ATP11B: variants seen among roughly 807,000 people sequenced by gnomAD.
The protein encoded by ATP11B is phospholipid-transporting ATPase IF.
Under a neutral mutation model 157.8 loss-of-function variants are expected in ATP11B, and 81 were observed. The ratio of observed to expected loss-of-function variants is 0.51; its 90% CI spans 0.43 to 0.62. The LOEUF (loss-of-function observed/expected upper bound fraction) is 0.62. Ranked by LOEUF, ATP11B falls within the 20% of genes least tolerant of loss-of-function variation. The pLI is 0.00. For synonymous variants in ATP11B, 451 were observed against 469.4 expected (o/e 0.96, Z 0.51); for missense variants, 1,165 against 1,402.2 (o/e 0.83, Z 2.70).
At chr3:182,843,941 A>G (rs752317687) in intron 8 of ATP11B, 2 of 152,224 alleles carry the variant, frequency 1.3e-5, no homozygotes, top group Non-Finnish European at 2.9e-5. Context: ...TTGTATGTGT[A>G]CGATCCCTGC....
At chr3:182,888,293 A>G (rs913488932) in intron 24 of ATP11B, among the ~76,000 whole-genome samples, 75 of 152,242 alleles carry the variant, frequency 4.9e-4, no homozygotes, top group African/African-American at 1.5e-3. Context: ...ATTTACTTCA[A>G]TTCCTCAGGT....
At chr3:182,797,154 T>C (rs1022938539) in intron 1 of ATP11B, among the ~76,000 whole-genome samples, 4 of 152,236 alleles carry the variant, frequency 2.6e-5, no homozygotes, top group African/African-American at 9.6e-5. Context: ...TTGATCCTTT[T>C]CTTTCATTCT....
intron 7 of ATP11B, 131 bp from the exon 8 acceptor site, chr3:182,841,944 A>G (rs2108515578): frequency 1.9e-6 from 1 of 536,196 alleles, no homozygotes; most frequent in Middle Eastern, 5.6e-4. Flanking sequence ...GCACCACTGC[A>G]CTCCAGCCTA....
rs1163088926 is a variant in ATP11B, at chr3:182,857,871, C to T, written c.852-7C>T. The T allele has an allele frequency of 2.0e-6, 3 of 1,466,988 alleles. No individual in the cohort carries two copies. The highest frequency in any genetic ancestry group is 1.7e-5 in the Admixed American group (1 of 57,490). The allele number at this position is 1,466,988 out of a possible 1,614,324, so 90.9% of individuals were successfully genotyped here. On this transcript the variant is annotated splice_region_variant and splice_polypyrimidine_tract_variant and intron_variant, in intron 10 of 29. Coordinates refer to ENST00000323116, the MANE Select transcript of ATP11B (RefSeq NM_014616.3). ...GTATGTTTTATATTCTCTTTTTCTT[C>T]CTTAAGGTCAATGAATACATTTTTG...
chr3:182,845,691 G>A (rs1719458775), intron 9 of ATP11B, among the ~76,000 whole-genome samples, 169 bp downstream of exon 9: 1 of 152,058 alleles, frequency 6.6e-6, no homozygotes, highest in Non-Finnish European at 1.5e-5. Flanking sequence ...TTGAACTTTT[G>A]TTTTGTTGAT....
intron 1 of ATP11B, among the ~76,000 whole-genome samples, chr3:182,815,866 G>A (rs1399162625): frequency 1.3e-5 from 2 of 152,134 alleles, no homozygotes; most frequent in East Asian, 3.9e-4. Flanking sequence ...ATAATGCAGA[G>A]GCTAATATAC....
chr3:182,828,142 CA>C lies in ATP11B; in HGVS notation c.173del (p.Asn58IlefsTer23), dbSNP rs1218818103. On this transcript the variant is annotated frameshift_variant, in exon 3 of 30. Transcript: ENST00000323116. LOFTEE classifies it high-confidence loss of function. ...SSKYTVWNFV[P>X]KNLFEQFRRV... ...TAGTACACTGTGTGGAATTTTGTTC[CA>C]AAAAATTTATTTGAACAGTTCAGAA... 6.1e-6 allele frequency: 9 copies of C among 1,470,468 alleles called. No individual in the cohort carries two copies. Among genetic ancestry groups the C allele is most frequent in the Admixed American group, 4.3e-5 (2 of 46,138 alleles). The allele number at this position is 1,470,468 out of a possible 1,614,324, so 91.1% of individuals were successfully genotyped here.
intron 25 of ATP11B, among the ~76,000 whole-genome samples, chr3:182,896,172 A>G (rs752088684): frequency 7.2e-5 from 11 of 152,186 alleles, no homozygotes; most frequent in Non-Finnish European, 1.6e-4. Context: ...CTGACTGGCA[A>G]TAACTGCATT....
At chr3:182,824,909 G>A (rs1402333330) in intron 2 of ATP11B, among the ~76,000 whole-genome samples, 3 of 152,146 alleles carry the variant, frequency 2.0e-5, no homozygotes, top group Non-Finnish European at 4.4e-5. Context: ...ATGTATTTGT[G>A]GACATTGTAG....
At chr3:182,845,549 T>C in intron 9 of ATP11B, 27 bp downstream of exon 9, 1 of 1,510,498 alleles carries the variant, frequency 6.6e-7, no homozygotes, top group Non-Finnish European at 9.0e-7. Context: ...ACATTTTAAA[T>C]TATTGATTTG....
At chr3:182,821,792 G>A (rs1717365282) in intron 2 of ATP11B, among the ~76,000 whole-genome samples, 1 of 152,220 alleles carries the variant, frequency 6.6e-6, no homozygotes, top group African/African-American at 2.4e-5. Flanking sequence ...GAGTCAAAGA[G>A]ACTGAGGGTA....
chr3:182,797,630 C>T (rs557479618), intron 1 of ATP11B, among the ~76,000 whole-genome samples: 1 of 152,058 alleles, frequency 6.6e-6, no homozygotes, highest in Admixed American at 6.6e-5. Flanking sequence ...ATCACTTGAA[C>T]GTGGGAGGCA....
In ATP11B at chr3:182,918,059, C is replaced by CAAG; in HGVS notation, c.3490_3491insAGA (p.Asp1163_Arg1164insLys). ...CATCGGATCCTTTCTATACCAACGACAGGAGCATCTTGACTCTCTCCACAA... is the reference window on the plus strand; with the variant it reads ...CATCGGATCCTTTCTATACCAACGACAAGAGGAGCATCTTGACTCTCTCCACAA... On this transcript the variant is annotated inframe_insertion, in exon 30 of 30. Transcript: ENST00000323116. The CAAG allele has an allele frequency of 6.2e-7, 1 of 1,613,376 alleles. No individual in the cohort carries two copies. Among genetic ancestry groups the CAAG allele is most frequent in the South Asian group, 1.1e-5 (1 of 90,982 alleles).
At chr3:182,808,254 A>G (rs1012475976) in intron 1 of ATP11B, among the ~76,000 whole-genome samples, 1 of 152,208 alleles carries the variant, frequency 6.6e-6, no homozygotes, top group African/African-American at 2.4e-5. Flanking sequence ...CTGATTGTTT[A>G]CTATGGAGAG....
chr3:182,810,482 ACTTT>A, intron 1 of ATP11B, among the ~76,000 whole-genome samples: 1 of 151,480 alleles, frequency 6.6e-6, no homozygotes, highest in Non-Finnish European at 1.5e-5. Context: ...GACATGCTTT[ACTTT>A]CTTTCGAAGC....
chr3:182,825,905 AT>A (rs1717688859), intron 2 of ATP11B, among the ~76,000 whole-genome samples: 1 of 152,174 alleles, frequency 6.6e-6, no homozygotes, highest in Non-Finnish European at 1.5e-5. Flanking sequence ...TCTCAAAAAA[AT>A]AAAATAAAAT....
intron 23 of ATP11B, among the ~76,000 whole-genome samples, chr3:182,886,599 CTTTGT>C (rs1363695913): frequency 2.0e-5 from 3 of 152,146 alleles, no homozygotes; most frequent in Admixed American, 6.5e-5. Context: ...TCCTGATCTA[CTTTGT>C]TTTAATTTCT....
At chr3:182,820,235 T>A in intron 1 of ATP11B, 25 bp from the exon 2 acceptor site, 1 of 1,496,130 alleles carries the variant, frequency 6.7e-7, no homozygotes, top group Admixed American at 1.7e-5. Context: ...TAGTATTTCT[T>A]TTTCTCTTGC....
chr3:182,794,299 C>A (rs1441427252), intron 1 of ATP11B, among the ~76,000 whole-genome samples: 1 of 152,146 alleles, frequency 6.6e-6, no homozygotes. Flanking sequence ...TGTGTTGATT[C>A]CCGAGGAGGA....
Sources: gnomAD v4.1 joint callset for allele counts (sites outside exome capture counted in the v4.1 genomes callset) on GRCh38, gnomAD v4.1.1 for gene constraint, MANE v1.5 for transcripts, NCBI Gene and HGNC (gene_info 2026-07-23, HGNC 2026-07-21) for gene names.